Variants in ARFGEF1 observed in about 807,000 individuals in gnomAD.
ARFGEF1 encodes the protein brefeldin A-inhibited guanine nucleotide-exchange protein 1.
A neutral mutation model predicts 231.0 loss-of-function variants in ARFGEF1; 42 were observed. The ratio of observed to expected loss-of-function variants is 0.18; its 90% CI spans 0.14 to 0.24. ARFGEF1 has a LOEUF of 0.24. Among genes scored for constraint, ARFGEF1 ranks in the 10% least tolerant of loss-of-function variants. ARFGEF1 has a pLI of 1.00. For synonymous variants in ARFGEF1, 710 were observed against 732.3 expected, an observed-to-expected ratio of 0.97 and a Z score of 0.49; for missense variants, 1,345 against 2,192.0, an observed-to-expected ratio of 0.61 and a Z score of 7.72.
intron 22 of ARFGEF1, among the ~76,000 whole-genome samples, chr8:67,237,295 A>T (rs1486275019): frequency 1.3e-5 from 2 of 152,158 alleles, no homozygotes; most frequent in Admixed American, 1.3e-4. Context: ...CACCTCCCAG[A>T]CCTTACAATA....
At chr8:67,183,390 A>G (rs1029429508) in intron 5 of ARFGEF1, among the ~76,000 whole-genome samples, 2 of 152,220 alleles carry the variant, frequency 1.3e-5, no homozygotes, top group Non-Finnish European at 2.9e-5. Flanking sequence ...ACAGATTACA[A>G]TCTGGGCAAG....
rs146542989 is a variant in ARFGEF1, at chr8:67,234,185, C to G, written c.3290-1240G>C. On this transcript the variant is annotated intron_variant, in intron 22 of 38. Transcript: ENST00000262215. ...GATGATATCATTTAAACCTGCTGAA[C>G]TCAAATTCTATTCTAGGAACTGAAT... Among the ~76,000 whole-genome samples, 671 of 152,194 alleles carry G rather than the reference C, an allele frequency of 4.4e-3. 9 individuals are homozygous for G. Among genetic ancestry groups the G allele is most frequent in the African/African-American group, 0.015 (638 of 41,552 alleles).
intron 7 of ARFGEF1, among the ~76,000 whole-genome samples, chr8:67,280,302 A>G (rs1294228680): frequency 1.3e-5 from 2 of 152,240 alleles, no homozygotes; most frequent in African/African-American, 4.8e-5. Context: ...CACAGCCATG[A>G]TCATCTAGAC....
At chr8:67,263,626 T>C (rs1804728774) in intron 14 of ARFGEF1, among the ~76,000 whole-genome samples, 1 of 152,192 alleles carries the variant, frequency 6.6e-6, no homozygotes, top group African/African-American at 2.4e-5. Context: ...TCTCTTAGTC[T>C]GGGATGCTCT....
rs1011239081 is a variant in ARFGEF1, at chr8:67,197,829, C to T, written c.*1105G>A. 1.6e-5 allele frequency: 16 copies of T among 985,744 alleles called. No homozygotes were observed. The African/African-American group carries it at 2.4e-4, about 15-fold the overall frequency. The allele number at this position is 985,744 out of a possible 1,614,324, so 61.1% of individuals were successfully genotyped here. A position where few individuals can be genotyped will look rare whatever the true frequency, so the allele number is the denominator to read the frequency against. On this transcript the variant is annotated 3_prime_UTR_variant, in exon 39 of 39. Coordinates refer to ENST00000262215, the MANE Select transcript of ARFGEF1 (RefSeq NM_006421.5). ...CATCTGAAAAAATTTTCTACATCCA[C>T]TGTTAATACGGAATGCTTGACAATC...
intron 34 of ARFGEF1, 50 bp downstream of exon 34, chr8:67,211,433 C>G: frequency 2.1e-6 from 3 of 1,418,086 alleles, no homozygotes; most frequent in Non-Finnish European, 2.8e-6. Context: ...AAATGTTAAC[C>G]CTTTCCTACA....
At chr8:67,206,615 C>G (rs1422400588) in intron 34 of ARFGEF1, among the ~76,000 whole-genome samples, 1 of 152,208 alleles carries the variant, frequency 6.6e-6, no homozygotes, top group African/African-American at 2.4e-5. Context: ...CTCCCCTTGT[C>G]TGACCATGCC....
chr8:67,322,130 G>GA (rs1807625375), intron 1 of ARFGEF1, among the ~76,000 whole-genome samples: 1 of 152,120 alleles, frequency 6.6e-6, no homozygotes. Context: ...ACCTTTCAAG[G>GA]TTGCCTCAGT....
At chr8:67,226,491 G>A (rs925756854) in intron 27 of ARFGEF1, among the ~76,000 whole-genome samples, 1 of 151,922 alleles carries the variant, frequency 6.6e-6, no homozygotes, top group Non-Finnish European at 1.5e-5. Context: ...TCTGTATCTC[G>A]GTTTCTTGAT....
At position 67,332,374 on chromosome 8, in the gene ARFGEF1, T is replaced by A. The variant is rs561497432; in HGVS notation, c.124+10790A>T. Among the ~76,000 whole-genome samples, 35 of 152,280 alleles carry A rather than the reference T, an allele frequency of 2.3e-4. 1 individual carries two copies. Among genetic ancestry groups the A allele is most frequent in the African/African-American group, 6.5e-4 (27 of 41,560 alleles). On this transcript the variant is annotated intron_variant, in intron 1 of 38. Transcript: ENST00000262215. The stretch of plus-strand genomic sequence containing the variant: ...TAAACGGTTAGGCATAGAAGCACAA[T>A]AAAAGCTAACCTATCCTGAATCCCT...
Position 67,301,309 on chromosome 8 carries a change from T to G in ARFGEF1, c.227A>C (p.Glu76Ala). 6.2e-7 allele frequency: 1 copy of G among 1,614,134 alleles called. No homozygotes were observed. The highest frequency in any genetic ancestry group is 8.5e-7 in the Non-Finnish European group (1 of 1,180,024). The change falls in exon 3 of 39, where the codon GAA (glutamate) becomes GCA (alanine). Residue 76 changes from glutamate to alanine, a missense_variant. Glu to Ala is a moderately radical substitution (Grantham distance 107). Transcript: ENST00000262215. The stretch of plus-strand genomic sequence containing the variant: ...AAAAGGCAAGAAGTACTTGTCTGCT[T>G]CAATAAAATTTGTCTTTGATTTCAC... ...PPVKSKTNFIEADKYFLPFEL... is the reference protein window; with the variant it reads ...PPVKSKTNFIAADKYFLPFEL...
chr8:67,332,177 T>C (rs1403324032), intron 1 of ARFGEF1, among the ~76,000 whole-genome samples: 3 of 152,346 alleles, frequency 2.0e-5, no homozygotes, highest in African/African-American at 7.2e-5. Context: ...TAAGTACTTT[T>C]ATATACTTAC....
chr8:67,327,016 T>C (rs1002570055), intron 1 of ARFGEF1, among the ~76,000 whole-genome samples: 3 of 152,222 alleles, frequency 2.0e-5, no homozygotes, highest in African/African-American at 7.2e-5. Context: ...TCTAATACCC[T>C]AGTTAGGCAT....
chr8:67,277,152 T>G, intron 8 of ARFGEF1, 130 bp downstream of exon 8: 1 of 946,674 alleles, frequency 1.1e-6, no homozygotes, highest in Non-Finnish European at 1.5e-6. Flanking sequence ...ACCCCAAGTT[T>G]CTTATTTCCC....
intron 23 of ARFGEF1, among the ~76,000 whole-genome samples, chr8:67,230,375 T>A (rs1468883452): frequency 6.6e-6 from 1 of 152,266 alleles, no homozygotes; most frequent in Admixed American, 6.6e-5. Context: ...TTAATCACAT[T>A]ATAATACAGA....
intron 22 of ARFGEF1, among the ~76,000 whole-genome samples, chr8:67,236,365 A>AAAAAAT (rs1554638966): frequency 2.8e-4 from 8 of 29,066 alleles, no homozygotes; most frequent in Admixed American, 6.8e-4. Context: ...AAAAAAAAAA[A>AAAAAAT]ATATATATAT....
At chr8:67,222,190 T>TATATATATATATATATACACAC (rs1839200926) in intron 29 of ARFGEF1, among the ~76,000 whole-genome samples, 1 of 134,924 alleles carries the variant, frequency 7.4e-6, no homozygotes, top group African/African-American at 3.0e-5. Flanking sequence ...CACATATATA[T>TATATATATATATATATACACAC]ATATATATAT....
At chr8:67,312,296 G>A (rs911678612) in intron 1 of ARFGEF1, among the ~76,000 whole-genome samples, 16 of 139,554 alleles carry the variant, frequency 1.1e-4, no homozygotes, top group Non-Finnish European at 2.2e-4. Flanking sequence ...GAAAACTAAA[G>A]ACAAAACAAT....
At chr8:67,209,008 C>CT (rs1346183743) in intron 34 of ARFGEF1, among the ~76,000 whole-genome samples, 1 of 152,206 alleles carries the variant, frequency 6.6e-6, no homozygotes, top group Non-Finnish European at 1.5e-5. Context: ...GGTGCAGCCA[C>CT]TGGCTATAGA....
Sources: gnomAD v4.1 joint callset for allele counts (sites outside exome capture counted in the v4.1 genomes callset) on GRCh38, gnomAD v4.1.1 for gene constraint, MANE v1.5 for transcripts, NCBI Gene and HGNC (gene_info 2026-07-23, HGNC 2026-07-21) for gene names.